The following CALCR variants were observed in gnomAD, a reference collection of about 807,000 sequenced individuals.
CALCR encodes the protein calcitonin receptor.
Under a neutral mutation model 59.5 loss-of-function variants are expected in CALCR, and 47 were observed. That is an observed-to-expected ratio of 0.79 (90% confidence interval 0.63 to 1.01). The LOEUF (loss-of-function observed/expected upper bound fraction) is 1.01, where lower values mean the gene tolerates loss of function less well. CALCR is among the 50% of genes least tolerant of loss of function. CALCR has a pLI of 0.00. For missense variants in CALCR, 566 were observed against 597.1 expected, an observed-to-expected ratio of 0.95 and a Z score of 0.54; for synonymous variants, 213 against 211.3, an observed-to-expected ratio of 1.01 and a Z score of -0.07.
At chr7:93,501,631 T>C (rs1196112731) in intron 2 of CALCR, among the ~76,000 whole-genome samples, 1 of 152,088 alleles carries the variant, frequency 6.6e-6, no homozygotes. Flanking sequence ...ATTTTTCTGA[T>C]AGCTGACTCA....
chr7:93,550,189 G>A (rs1789406746), intron 2 of CALCR, among the ~76,000 whole-genome samples: 1 of 151,930 alleles, frequency 6.6e-6, no homozygotes, highest in Admixed American at 6.6e-5. Flanking sequence ...AAAAATTAGT[G>A]AAAAGAATTG....
intron 3 of CALCR, among the ~76,000 whole-genome samples, chr7:93,480,824 G>C (rs374664234): frequency 1.3e-5 from 2 of 151,794 alleles, no homozygotes; most frequent in African/African-American, 4.8e-5. Context: ...ACAAGGGGGG[G>C]TCGAGAAGCC....
At chr7:93,518,081 T>TA (rs1801684407) in intron 2 of CALCR, among the ~76,000 whole-genome samples, 1 of 151,822 alleles carries the variant, frequency 6.6e-6, no homozygotes, top group South Asian at 2.1e-4. Flanking sequence ...GAACAGTAGA[T>TA]AAAAATATGT....
intron 8 of CALCR, among the ~76,000 whole-genome samples, chr7:93,458,140 TTGTCTC>T (rs2115792650): frequency 6.6e-6 from 1 of 152,292 alleles, no homozygotes; most frequent in East Asian, 1.9e-4. Flanking sequence ...AGACTGGACT[TTGTCTC>T]TGATAACAGA....
chr7:93,472,384 C>CT lies in CALCR; in HGVS notation c.419dup (p.Lys141GlufsTer64), dbSNP rs767505966. ...GTGAAAAAGAACCTACCTTCAGTTT[C>CT]TCAGGAGTGAAAGCATTGCACATAG... is the stretch of plus-strand genomic sequence containing the variant. On this transcript the variant is annotated frameshift_variant, in exon 6 of 14. Coordinates refer to ENST00000426151, the MANE Select transcript of CALCR (RefSeq NM_001742.4). LOFTEE classifies it high-confidence loss of function. 72 of 1,593,464 alleles carry CT rather than the reference C, an allele frequency of 4.5e-5. No homozygotes were observed. The highest frequency in any genetic ancestry group is 5.6e-5 in the Non-Finnish European group (65 of 1,163,784).
intron 2 of CALCR, among the ~76,000 whole-genome samples, chr7:93,528,895 T>A (rs1049497384): frequency 3.9e-5 from 6 of 152,162 alleles, no homozygotes; most frequent in African/African-American, 1.4e-4. Context: ...TTATCGAAAA[T>A]TTTGTGAGAA....
chr7:93,534,794 G>T (rs1788943969), intron 2 of CALCR, among the ~76,000 whole-genome samples: 2 of 151,594 alleles, frequency 1.3e-5, no homozygotes, highest in Admixed American at 6.6e-5. Context: ...GCTGTTACAA[G>T]AAATATTTAT....
intron 2 of CALCR, among the ~76,000 whole-genome samples, chr7:93,537,196 GT>G (rs1789014887): frequency 6.6e-6 from 1 of 151,620 alleles, no homozygotes; most frequent in Non-Finnish European, 1.5e-5. Flanking sequence ...TTATTAAATT[GT>G]TTAGTGAAGT....
chr7:93,524,174 CT>C lies in CALCR; in HGVS notation c.-26-37168del, dbSNP rs376632123. 2.1e-3 allele frequency among the ~76,000 whole-genome samples: 296 copies of C among 139,914 alleles called. 1 individual carries two copies. Among genetic ancestry groups the C allele is most frequent in the African/African-American group, 4.5e-3 (172 of 38,590 alleles). 91.8% of individuals were successfully genotyped at this position (139,914 alleles called of 152,430 possible). The stretch of plus-strand genomic sequence containing the variant: ...GTCAATTTATTTACTATTTTTTTTT[CT>C]TTTTTTTTTTTTTGAGACGAGTTTC... On this transcript the variant is annotated intron_variant, in intron 2 of 13. Transcript: ENST00000426151.
At chr7:93,568,543 CTCTCTCTCTCTCTG>C (rs1443862094) in intron 2 of CALCR, among the ~76,000 whole-genome samples, 11 of 149,874 alleles carry the variant, frequency 7.3e-5, no homozygotes, top group African/African-American at 2.7e-4. Context: ...CTCTCTCTCT[CTCTCTCTCTCTCTG>C]TCTCTCTCCT....
chr7:93,541,515 G>A (rs1789137631), intron 2 of CALCR, among the ~76,000 whole-genome samples: 2 of 152,064 alleles, frequency 1.3e-5, no homozygotes, highest in Admixed American at 6.6e-5. Context: ...TAGAAACTGG[G>A]AGAAGATACA....
intron 2 of CALCR, among the ~76,000 whole-genome samples, chr7:93,540,263 A>G (rs1789096795): frequency 1.3e-5 from 2 of 152,214 alleles, no homozygotes; most frequent in African/African-American, 4.8e-5. Flanking sequence ...ACAGCAGTCA[A>G]TGGGTAGGAT....
At chr7:93,442,506 T>C (rs1333211019) in intron 9 of CALCR, among the ~76,000 whole-genome samples, 1 of 152,180 alleles carries the variant, frequency 6.6e-6, no homozygotes, top group African/African-American at 2.4e-5. Context: ...AGGCTGCTTA[T>C]ATGACTTCCC....
chr7:93,516,113 T>A (rs1046623225), intron 2 of CALCR, among the ~76,000 whole-genome samples: 1 of 152,118 alleles, frequency 6.6e-6, no homozygotes, highest in South Asian at 2.1e-4. Context: ...TCCTTTCTTT[T>A]ACAAGTCTCA....
intron 2 of CALCR, among the ~76,000 whole-genome samples, chr7:93,527,913 C>G (rs2116118471): frequency 6.6e-6 from 1 of 152,190 alleles, no homozygotes; most frequent in South Asian, 2.1e-4. Context: ...GTTTTAATAA[C>G]AGGGAAGAAC....
intron 4 of CALCR, among the ~76,000 whole-genome samples, chr7:93,478,440 G>T (rs559879863): frequency 6.6e-6 from 1 of 151,616 alleles, no homozygotes; most frequent in Non-Finnish European, 1.5e-5. Context: ...AGTGTCTCAC[G>T]CCTGTAATCC....
At chr7:93,484,811 A>T (rs535295987) in intron 3 of CALCR, among the ~76,000 whole-genome samples, 1 of 151,860 alleles carries the variant, frequency 6.6e-6, no homozygotes, top group Admixed American at 6.6e-5. Flanking sequence ...TGTCATCAGC[A>T]TCGTCACTGG....
At chr7:93,465,859 C>G (rs2115829444) in intron 7 of CALCR, among the ~76,000 whole-genome samples, 1 of 151,928 alleles carries the variant, frequency 6.6e-6, no homozygotes, top group East Asian at 1.9e-4. Context: ...AGTAATATCC[C>G]AAGTTTTTAG....
chr7:93,503,472 C>G (rs568512872), intron 2 of CALCR, among the ~76,000 whole-genome samples: 4 of 151,860 alleles, frequency 2.6e-5, no homozygotes, highest in Non-Finnish European at 5.9e-5. Flanking sequence ...GTTTCCACAG[C>G]AAGGTGACAA....
Sources: gnomAD v4.1 joint callset for allele counts (sites outside exome capture counted in the v4.1 genomes callset) on GRCh38, gnomAD v4.1.1 for gene constraint, MANE v1.5 for transcripts, NCBI Gene and HGNC (gene_info 2026-07-23, HGNC 2026-07-21) for gene names.